The following ATRNL1 variants were observed in gnomAD, a reference collection of about 807,000 sequenced individuals.
ATRNL1 encodes the protein attractin like 1.
In ATRNL1, 95 loss-of-function variants were observed where a neutral mutation model predicts 182.7. The ratio of observed to expected loss-of-function variants is 0.52; its 90% CI spans 0.44 to 0.62. The LOEUF (loss-of-function observed/expected upper bound fraction) is 0.62, where lower values mean the gene tolerates loss of function less well. Ranked by LOEUF, ATRNL1 falls within the 20% of genes least tolerant of loss-of-function variation. ATRNL1 has a pLI of 0.00. For missense variants in ATRNL1, 1,471 were observed against 1,679.5 expected, an observed-to-expected ratio of 0.88 and a Z score of 2.17; for synonymous variants, 576 against 568.3, an observed-to-expected ratio of 1.01 and a Z score of -0.19.
chr10:115,850,312 C>T (rs1353690950), intron 28 of ATRNL1, among the ~76,000 whole-genome samples: 2 of 152,064 alleles, frequency 1.3e-5, no homozygotes, highest in African/African-American at 4.8e-5. Context: ...AACAAAATGT[C>T]TTGATTTCAC....
chr10:115,496,843 A>G (rs1392702069), intron 24 of ATRNL1, among the ~76,000 whole-genome samples: 3 of 151,874 alleles, frequency 2.0e-5, no homozygotes, highest in East Asian at 1.9e-4. Context: ...TTTCATTTCT[A>G]CCTTGGAGAA....
chr10:115,713,449 G>GTGTGTGTGTGTGTGTGTGTGTGTT (rs1555055206), intron 26 of ATRNL1, among the ~76,000 whole-genome samples: 13 of 137,598 alleles, frequency 9.4e-5, no homozygotes, highest in African/African-American at 3.4e-4. Context: ...GTGGCTGTGT[G>GTGTGTGTGTGTGTGTGTGTGTGTT]TGTGTGTGTG....
intron 1 of ATRNL1, among the ~76,000 whole-genome samples, chr10:115,102,326 A>G (rs149447649): frequency 0.023 from 3,523 of 152,080 alleles, 70 homozygotes; most frequent in Non-Finnish European, 0.035. Flanking sequence ...GTCTTTATGT[A>G]TATTTATTTT....
intron 19 of ATRNL1, among the ~76,000 whole-genome samples, chr10:115,366,832 T>G (rs1172825192): frequency 2.2e-4 from 33 of 146,860 alleles, no homozygotes; most frequent in African/African-American, 8.2e-4. Flanking sequence ...TCTTTAAGAA[T>G]GTTGAATATT....
chr10:115,639,911 G>A (rs1203413837), intron 26 of ATRNL1, among the ~76,000 whole-genome samples: 9 of 151,866 alleles, frequency 5.9e-5, no homozygotes, highest in Admixed American at 2.0e-4. Flanking sequence ...CCCATCAACC[G>A]TCATCTAGGT....
chr10:115,450,184 A>C (rs540707592), intron 21 of ATRNL1, among the ~76,000 whole-genome samples: 36 of 152,192 alleles, frequency 2.4e-4, no homozygotes, highest in Non-Finnish European at 4.3e-4. Flanking sequence ...CATACTGAAC[A>C]GACAATACCT....
chr10:115,482,765 A>G (rs1231938648), intron 24 of ATRNL1, among the ~76,000 whole-genome samples: 3 of 151,194 alleles, frequency 2.0e-5, no homozygotes, highest in African/African-American at 7.3e-5. Context: ...GTAGAATCCA[A>G]AATTTATACA....
At chr10:115,110,859 C>T (rs1844227039) in intron 1 of ATRNL1, among the ~76,000 whole-genome samples, 1 of 152,014 alleles carries the variant, frequency 6.6e-6, no homozygotes, top group Non-Finnish European at 1.5e-5. Context: ...TTTATAACAC[C>T]TTGTGTACCT....
chr10:115,689,765 G>T (rs1004115629), intron 26 of ATRNL1, among the ~76,000 whole-genome samples: 3 of 152,160 alleles, frequency 2.0e-5, no homozygotes, highest in Non-Finnish European at 4.4e-5. Context: ...CACAGAGCTC[G>T]CAGGCTGTCC....
At chr10:115,320,821 T>C (rs1854544624) in intron 18 of ATRNL1, among the ~76,000 whole-genome samples, 2 of 152,188 alleles carry the variant, frequency 1.3e-5, no homozygotes, top group African/African-American at 4.8e-5. Context: ...CTTAGCTTCC[T>C]TTAGCTCAGC....
At chr10:115,702,946 G>GA (rs1373030345) in intron 26 of ATRNL1, among the ~76,000 whole-genome samples, 5 of 151,044 alleles carry the variant, frequency 3.3e-5, no homozygotes, top group African/African-American at 9.7e-5. Flanking sequence ...GAACCAAAAA[G>GA]AAAAAAAAGC....
intron 26 of ATRNL1, among the ~76,000 whole-genome samples, chr10:115,720,448 T>C (rs1249796174): frequency 2.0e-5 from 3 of 151,482 alleles, no homozygotes; most frequent in African/African-American, 7.2e-5. Flanking sequence ...GTAAGGTATA[T>C]TTTATTTAAT....
intron 19 of ATRNL1, among the ~76,000 whole-genome samples, chr10:115,349,807 TATTTTGCTATTGA>T (rs1422940975): frequency 1.3e-5 from 2 of 152,214 alleles, no homozygotes; most frequent in Non-Finnish European, 2.9e-5. Flanking sequence ...TTATTATTAT[TATTTTGCTATTGA>T]GTTGTTTGAG....
At chr10:115,847,028 A>T (rs1467998653) in intron 27 of ATRNL1, among the ~76,000 whole-genome samples, 1 of 151,990 alleles carries the variant, frequency 6.6e-6, no homozygotes, top group Non-Finnish European at 1.5e-5. Flanking sequence ...ATTATTATAT[A>T]TTTATTTACT....
chr10:115,093,488 G>C lies in ATRNL1; in HGVS notation c.-263G>C, dbSNP rs1202163069. 1.3e-5 allele frequency: 8 copies of C among 627,028 alleles called. No homozygotes were observed. The highest frequency in any genetic ancestry group is 2.0e-5 in the Non-Finnish European group (7 of 344,316). 38.8% of individuals were successfully genotyped at this position (627,028 alleles called of 1,614,324 possible). On this transcript the variant is annotated 5_prime_UTR_variant, in exon 1 of 29. Coordinates refer to ENST00000355044, the MANE Select transcript of ATRNL1 (RefSeq NM_207303.4). The surrounding 1 kb of genome is among the most constrained non-coding windows in gnomAD (Gnocchi z 6.1). ...CGCTCCCCGCCTCCGGCCGGGTCCGGGACGCCGCGGCTGTGGGGTCGGCCC... is the reference window on the plus strand; with the variant it reads ...CGCTCCCCGCCTCCGGCCGGGTCCGCGACGCCGCGGCTGTGGGGTCGGCCC...
At chr10:115,331,302 T>C (rs188318034) in intron 18 of ATRNL1, among the ~76,000 whole-genome samples, 1 of 152,352 alleles carries the variant, frequency 6.6e-6, no homozygotes, top group East Asian at 1.9e-4. Context: ...CCTTGTGATC[T>C]GTCTGCCTCA....
rs113426346 is a variant in ATRNL1, at chr10:115,463,490, C to A, written c.3417+1455C>A. On this transcript the variant is annotated intron_variant, in intron 22 of 28. Transcript: ENST00000355044. ...GTTTTTATACCTGCATTATAATTAC[C>A]ATTGACTTTTTATTGTAGTAAAATA... Among the ~76,000 whole-genome samples, 488 of 152,004 alleles carry A rather than the reference C, an allele frequency of 3.2e-3. 3 individuals are homozygous for A. Among genetic ancestry groups the A allele is most frequent in the African/African-American group, 0.011 (473 of 41,488 alleles).
chr10:115,121,279 A>G (rs1410472166), intron 2 of ATRNL1, among the ~76,000 whole-genome samples: 5 of 152,052 alleles, frequency 3.3e-5, no homozygotes, highest in Non-Finnish European at 7.4e-5. Flanking sequence ...TGCGCAGCTA[A>G]TTTTTGTATT....
intron 28 of ATRNL1, among the ~76,000 whole-genome samples, chr10:115,867,505 T>G (rs1555104994): frequency 6.6e-6 from 1 of 152,170 alleles, no homozygotes; most frequent in Non-Finnish European, 1.5e-5. Flanking sequence ...GGTCCTCATA[T>G]GCTTTTTCCT....
Sources: allele counts gnomAD v4.1 joint callset (sites outside exome capture counted in the v4.1 genomes callset), GRCh38; gene constraint gnomAD v4.1.1; non-coding constraint Gnocchi (gnomAD v3.1); transcripts MANE v1.5; gene names NCBI Gene and HGNC (gene_info 2026-07-23, HGNC 2026-07-21).